The following GCLC variants were observed in gnomAD, a reference collection of about 807,000 sequenced individuals.
The protein encoded by GCLC is glutamate--cysteine ligase catalytic subunit.
In GCLC, 30 loss-of-function variants were observed where a neutral mutation model predicts 81.5. The ratio of observed to expected loss-of-function variants is 0.37; its 90% CI spans 0.28 to 0.50. The LOEUF is 0.50. GCLC is among the 20% of genes least tolerant of loss of function. The pLI is 0.96. For synonymous variants in GCLC, 262 were observed against 273.3 expected (o/e 0.96, Z 0.41); for missense variants, 556 against 777.4 (o/e 0.72, Z 3.39).
chr6:53,499,895 A>AT, intron 15 of GCLC, 150 bp downstream of exon 15: 1 of 665,216 alleles, frequency 1.5e-6, no homozygotes, highest in East Asian at 2.7e-5. Flanking sequence ...AGTGTCAAAG[A>AT]TTATAAGGTG....
At chr6:53,522,030 C>T (rs1316056220) in intron 2 of GCLC, among the ~76,000 whole-genome samples, 1 of 152,230 alleles carries the variant, frequency 6.6e-6, no homozygotes, top group East Asian at 1.9e-4. Flanking sequence ...CAACTTATAT[C>T]TTGCATCATG....
rs1241605126 is a variant in GCLC, at chr6:53,498,518, A to C, written c.*238T>G. 5.8e-6 allele frequency: 3 copies of C among 517,142 alleles called. No individual in the cohort carries two copies. Among genetic ancestry groups the C allele is most frequent in the Non-Finnish European group, 1.0e-5 (3 of 288,624 alleles). 32.0% of individuals were successfully genotyped at this position (517,142 alleles called of 1,614,324 possible). On this transcript the variant is annotated 3_prime_UTR_variant, in exon 16 of 16. Coordinates refer to ENST00000650454, the MANE Select transcript of GCLC (RefSeq NM_001498.4). Reference sequence around the variant, plus strand: ...TTAAAAATGTACAAGCCAGTTCATGATGACTTTAGATATGTTATTAAAATA... The same window carrying C: ...TTAAAAATGTACAAGCCAGTTCATGCTGACTTTAGATATGTTATTAAAATA...
At chr6:53,528,278 T>G (rs924024126) in intron 1 of GCLC, among the ~76,000 whole-genome samples, 1 of 152,226 alleles carries the variant, frequency 6.6e-6, no homozygotes, top group Non-Finnish European at 1.5e-5. Context: ...TTTTTAAAGA[T>G]GGACTCCCAT....
At chr6:53,500,225 C>G (rs1192986805) in intron 14 of GCLC, 22 bp downstream of exon 14, 13 of 1,612,852 alleles carry the variant, frequency 8.1e-6, no homozygotes, top group Non-Finnish European at 1.1e-5. Context: ...GTGAGGGGTA[C>G]TGTACAGGGC....
chr6:53,505,312 G>A (rs1764592195), intron 12 of GCLC, 80 bp downstream of exon 12: 1 of 731,174 alleles, frequency 1.4e-6, no homozygotes, highest in African/African-American at 1.7e-5. Flanking sequence ...ATGAAATTAG[G>A]TGGGAAATAA....
intron 3 of GCLC, among the ~76,000 whole-genome samples, chr6:53,518,586 G>A (rs573527676): frequency 1.3e-5 from 2 of 152,216 alleles, no homozygotes; most frequent in South Asian, 4.2e-4. Context: ...TATCCCATAT[G>A]GAACCATTCT....
chr6:53,537,763 T>G lies in GCLC; in HGVS notation c.150+6733A>C, dbSNP rs1763280958. On this transcript the variant is annotated intron_variant, in intron 1 of 15. Transcript: ENST00000650454. ...TAAAAAAAAACCAAAAAACCCTACA[T>G]ATGTGGAATGTTTCATTCCTCAATG... Among the ~76,000 whole-genome samples the G allele has an allele frequency of 4.6e-5, 7 of 152,214 alleles. 1 individual carries two copies. Among genetic ancestry groups the G allele is most frequent in the Admixed American group, 3.9e-4 (6 of 15,294 alleles).
At chr6:53,537,788 G>A (rs1014349164) in intron 1 of GCLC, among the ~76,000 whole-genome samples, 3 of 151,846 alleles carry the variant, frequency 2.0e-5, no homozygotes, top group East Asian at 3.9e-4. Context: ...ATTCCTCAAT[G>A]ACCACAGCTA....
chr6:53,536,035 C>T (rs1581749231), intron 1 of GCLC, among the ~76,000 whole-genome samples: 2 of 152,184 alleles, frequency 1.3e-5, no homozygotes, highest in East Asian at 1.9e-4. Context: ...AAACTGAATG[C>T]AACACAAATG....
chr6:53,540,175 A>T (rs996047953), intron 1 of GCLC, among the ~76,000 whole-genome samples: 1 of 152,196 alleles, frequency 6.6e-6, no homozygotes, highest in Non-Finnish European at 1.5e-5. Flanking sequence ...TTAATATTTT[A>T]AAAAGTCCTG....
At chr6:53,510,497 G>A (rs900580332) in intron 6 of GCLC, 1 of 151,662 alleles carries the variant, frequency 6.6e-6, no homozygotes, top group Non-Finnish European at 1.5e-5. Context: ...AAGGGGCAAG[G>A]AACACAAATT....
In GCLC at chr6:53,507,504, T is replaced by A; in HGVS notation, c.1060A>T (p.Ile354Phe). 6.2e-7 allele frequency: 1 copy of A among 1,612,336 alleles called. No individual in the cohort carries two copies. Reference sequence around the variant, plus strand: ...CCTTCCTGCAACAGCTGTTCGTAGATCTCTTTATCTATCGTCAAGTCGATG... The same window carrying A: ...CCTTCCTGCAACAGCTGTTCGTAGAACTCTTTATCTATCGTCAAGTCGATG... ...NDIDLTIDKE[I>F]YEQLLQEGID... The change falls in exon 9 of 16, where the codon ATC becomes TTC. Residue 354 changes from isoleucine (I) to phenylalanine (F), a missense_variant. Transcript: ENST00000650454.
intron 1 of GCLC, among the ~76,000 whole-genome samples, chr6:53,528,445 T>A (rs1763119484): frequency 6.6e-6 from 1 of 152,184 alleles, no homozygotes; most frequent in Admixed American, 6.5e-5. Flanking sequence ...CACACAACTA[T>A]ATTTTAAACA....
At chr6:53,520,694 G>T in intron 3 of GCLC, 84 bp downstream of exon 3, 1 of 1,079,230 alleles carries the variant, frequency 9.3e-7, no homozygotes, top group Non-Finnish European at 1.4e-6. Context: ...GGATTGTAAG[G>T]TGGAATGCCC....
At chr6:53,541,618 G>A (rs1763357292) in intron 1 of GCLC, among the ~76,000 whole-genome samples, 1 of 152,076 alleles carries the variant, frequency 6.6e-6, no homozygotes. Context: ...GGGTGGGGGG[G>A]CGGTGGGGGA....
At chr6:53,510,901 A>T (rs968333220) in intron 6 of GCLC, among the ~76,000 whole-genome samples, 1 of 152,198 alleles carries the variant, frequency 6.6e-6, no homozygotes, top group Non-Finnish European at 1.5e-5. Context: ...AAAGAATAAG[A>T]GTTTCAAAGG....
chr6:53,536,889 G>T (rs1763266174), intron 1 of GCLC, among the ~76,000 whole-genome samples: 1 of 152,182 alleles, frequency 6.6e-6, no homozygotes, highest in Non-Finnish European at 1.5e-5. Context: ...TTCTGTAGGA[G>T]ATAGGTATAG....
intron 12 of GCLC, 42 bp downstream of exon 12, chr6:53,505,350 A>T (rs368949473): frequency 2.4e-6 from 2 of 821,616 alleles, no homozygotes; most frequent in African/African-American, 3.4e-5. Context: ...ATATATCTAC[A>T]GATAGATCTA....
In GCLC at chr6:53,520,975, T is replaced by A. The variant is rs769841569; in HGVS notation, c.264-15A>T. 1.3e-6 allele frequency: 2 copies of A among 1,599,834 alleles called. No homozygotes were observed. Among genetic ancestry groups the A allele is most frequent in the African/African-American group, 2.7e-5 (2 of 74,626 alleles). ...GGGTAGGATGGCTACGGAGGAGAAA[T>A]AACTTAGTTCCATCTTATTCTTTTG... On this transcript the variant is annotated splice_polypyrimidine_tract_variant and intron_variant, in intron 2 of 15. Coordinates refer to ENST00000650454, the MANE Select transcript of GCLC (RefSeq NM_001498.4).
Sources: gnomAD v4.1 joint callset for allele counts (sites outside exome capture counted in the v4.1 genomes callset) on GRCh38, gnomAD v4.1.1 for gene constraint, MANE v1.5 for transcripts, NCBI Gene and HGNC (gene_info 2026-07-23, HGNC 2026-07-21) for gene names.